Variants in FRMD1 observed in about 807,000 individuals in gnomAD.
FRMD1 encodes the protein FERM domain containing 1, also known as FERM domain-containing protein 1.
Under a neutral mutation model 54.9 loss-of-function variants are expected in FRMD1, and 51 were observed. The observed-to-expected ratio is 0.93, with a 90% CI of 0.74 to 1.17. The LOEUF (loss-of-function observed/expected upper bound fraction) is 1.17, where lower values mean the gene tolerates loss of function less well. Ranked by LOEUF, FRMD1 falls within the 50% of genes most tolerant of loss-of-function variation. FRMD1 has a pLI of 0.00. For missense variants in FRMD1, 729 were observed against 743.0 expected (o/e 0.98, Z 0.22); for synonymous variants, 324 against 306.4 (o/e 1.06, Z -0.60).
upstream of FRMD1, among the ~76,000 whole-genome samples, chr6:168,086,061 C>T (rs149516202): frequency 3.3e-3 from 503 of 152,384 alleles, 5 homozygotes; most frequent in African/African-American, 0.012. Flanking sequence ...ATGAGGGCTC[C>T]GTGGGATGCT....
intron 9 of FRMD1, among the ~76,000 whole-genome samples, chr6:168,060,348 AG>A (rs1799655986): frequency 1.5e-5 from 1 of 64,994 alleles, no homozygotes; most frequent in Non-Finnish European, 2.8e-5. Flanking sequence ...ATTCCTTGGG[AG>A]GGGGGTTCTT....
intron 1 of FRMD1, among the ~76,000 whole-genome samples, chr6:168,088,960 G>C (rs1291551327): frequency 2.8e-5 from 3 of 105,650 alleles, no homozygotes; most frequent in Non-Finnish European, 4.2e-5. Context: ...CTGATCACAC[G>C]TGCCCTGCTG....
intron 10 of FRMD1, among the ~76,000 whole-genome samples, chr6:168,057,922 G>A (rs909124995): frequency 1.7e-4 from 26 of 152,360 alleles, no homozygotes; most frequent in Non-Finnish European, 3.1e-4. Context: ...AGGCCACGCC[G>A]AAGATTGCCC....
intron 2 of FRMD1, among the ~76,000 whole-genome samples, chr6:168,074,789 G>A (rs1011223893): frequency 6.7e-6 from 1 of 149,342 alleles, no homozygotes; most frequent in Non-Finnish European, 1.5e-5. Context: ...TGACTGGTGT[G>A]TGTGTGCATG....
At chr6:168,057,813 C>T (rs910000196) in intron 10 of FRMD1, 13 of 176,724 alleles carry the variant, frequency 7.4e-5, no homozygotes, top group African/African-American at 2.4e-4. Context: ...GCCTCCAGCC[C>T]GAGCTTCTCG....
rs1256486435 is a variant in FRMD1, at chr6:168,059,092, C to G, written c.1407+32G>C. On this transcript the variant is annotated intron_variant, in intron 10 of 10. Coordinates refer to ENST00000283309, the MANE Select transcript of FRMD1 (RefSeq NM_024919.6). This position sits in a 1 kb window ranked among gnomAD's most constrained non-coding sequence, Gnocchi z 4.4. ...AGGAGAAGGGGGTGGAGGAGCAGGG[C>G]CAGGGCTTCTGGCCCGTGGGGGGGA... The G allele has an allele frequency of 2.6e-6, 4 of 1,528,704 alleles. No homozygotes were observed. The highest frequency in any genetic ancestry group is 3.5e-6 in the Non-Finnish European group (4 of 1,133,222). The allele number at this position is 1,528,704 out of a possible 1,614,324, so 94.7% of individuals were successfully genotyped here. A position where few individuals can be genotyped will look rare whatever the true frequency, so the allele number is the denominator to read the frequency against.
intron 5 of FRMD1, among the ~76,000 whole-genome samples, 188 bp from the exon 6 acceptor site, chr6:168,063,944 C>G (rs1233093014): frequency 1.3e-5 from 2 of 152,228 alleles, no homozygotes; most frequent in Non-Finnish European, 2.9e-5. Flanking sequence ...GCCCTGGGCC[C>G]TGTCTGATTT....
intron 10 of FRMD1, chr6:168,057,654 G>T (rs941180823): frequency 9.1e-5 from 33 of 363,178 alleles, no homozygotes; most frequent in African/African-American, 6.4e-4. Context: ...GTCTGAGTGT[G>T]GGCCTTGAAC....
intron 4 of FRMD1, 120 bp downstream of exon 4, chr6:168,066,635 T>C (rs1800039485): frequency 1.4e-6 from 2 of 1,441,428 alleles, no homozygotes; most frequent in Admixed American, 3.2e-5. Flanking sequence ...TGGGGTTGTT[T>C]GTTTGTTTTT....
chr6:168,088,377 G>C (rs1346698390), intron 1 of FRMD1, among the ~76,000 whole-genome samples: 1 of 152,178 alleles, frequency 6.6e-6, no homozygotes. Flanking sequence ...GAGTGGCCGG[G>C]AGGCAAGGCG....
upstream of FRMD1, among the ~76,000 whole-genome samples, chr6:168,083,762 G>A (rs1343069967): frequency 1.3e-5 from 2 of 152,230 alleles, no homozygotes; most frequent in African/African-American, 4.8e-5. Flanking sequence ...CTGGGATCTG[G>A]AAAGTGTGAC....
At chr6:168,085,859 C>A (rs531422828), upstream of FRMD1, among the ~76,000 whole-genome samples, 14 of 152,334 alleles carry the variant, frequency 9.2e-5, no homozygotes, top group African/African-American at 3.4e-4. Flanking sequence ...CCCTATCGCC[C>A]AGCCACAGCA....
rs570152446 is a variant in FRMD1 at position 168,054,074 on chromosome 6, T to G, written c.*3023A>C. The G allele has an allele frequency of 2.0e-5, 3 of 152,492 alleles. No individual in the cohort carries two copies. In the East Asian group the frequency reaches 5.8e-4, roughly 30 times the overall value. The allele number at this position is 152,492 out of a possible 1,614,324, so 9.4% of individuals were successfully genotyped here. A position where few individuals can be genotyped will look rare whatever the true frequency, so the allele number is the denominator to read the frequency against. The stretch of plus-strand genomic sequence containing the variant: ...AGGCAAGAGGGAACCGGCCACACCC[T>G]GCCCAGGGCCACCCTGTCACCACTC... On this transcript the variant is annotated 3_prime_UTR_variant, in exon 11 of 11. Coordinates refer to ENST00000283309, the MANE Select transcript of FRMD1 (RefSeq NM_024919.6).
intron 8 of FRMD1, 33 bp from the exon 9 acceptor site, chr6:168,061,090 C>A: frequency 6.3e-7 from 1 of 1,584,918 alleles, no homozygotes; most frequent in Non-Finnish European, 8.6e-7. Flanking sequence ...TGAGGGCGAG[C>A]TGGAGAGGGA....
intron 1 of FRMD1, among the ~76,000 whole-genome samples, chr6:168,088,882 T>TG (rs1305707890): frequency 0.049 from 1,912 of 38,872 alleles, 26 homozygotes; most frequent in Middle Eastern, 0.094. Context: ...ACCTCCCCAC[T>TG]CCTTGTGTCC....
intron 1 of FRMD1, among the ~76,000 whole-genome samples, chr6:168,088,579 G>A (rs1387616848): frequency 6.6e-6 from 1 of 152,190 alleles, no homozygotes; most frequent in Admixed American, 6.5e-5. Flanking sequence ...TAACCTCCTG[G>A]AAGGAAGACA....
intron 4 of FRMD1, chr6:168,065,938 C>G (rs149428266): frequency 1.0e-6 from 1 of 1,000,276 alleles, no homozygotes; most frequent in East Asian, 1.1e-4. Context: ...CAGGATCCTC[C>G]TGAGGGACGT....
Position 168,057,050 on chromosome 6 carries a change from A to G in FRMD1, c.*47T>C, listed in dbSNP as rs1019435077. The stretch of plus-strand genomic sequence containing the variant: ...AGGGCCATGTGGAAGTGGGGTGGGC[A>G]GGGGCTGAGCCTGGCGGTGCGGACG... On this transcript the variant is annotated 3_prime_UTR_variant, in exon 11 of 11. Transcript: ENST00000283309. 1 of 1,434,486 alleles carries G rather than the reference A, an allele frequency of 7.0e-7. No homozygotes were observed. The highest frequency in any genetic ancestry group is 3.0e-5 in the Admixed American group (1 of 33,860). The allele number at this position is 1,434,486 out of a possible 1,614,324, so 88.9% of individuals were successfully genotyped here.
At chr6:168,088,563 G>C (rs902524895) in intron 1 of FRMD1, among the ~76,000 whole-genome samples, 2 of 152,178 alleles carry the variant, frequency 1.3e-5, no homozygotes, top group African/African-American at 4.8e-5. Flanking sequence ...GCACTAAAAA[G>C]TGCTCTAACC....
Sources: gnomAD v4.1 joint callset for allele counts (sites outside exome capture counted in the v4.1 genomes callset) on GRCh38, gnomAD v4.1.1 for gene constraint, Gnocchi (gnomAD v3.1) non-coding constraint, MANE v1.5 for transcripts, NCBI Gene and HGNC (gene_info 2026-07-23, HGNC 2026-07-21) for gene names.